Variants in MRC1 observed in about 807,000 individuals in gnomAD.
MRC1 encodes macrophage mannose receptor 1.
Under a neutral mutation model 102.9 loss-of-function variants are expected in MRC1, and 62 were observed. The ratio of observed to expected loss-of-function variants is 0.60; its 90% confidence interval spans 0.49 to 0.74. The LOEUF (loss-of-function observed/expected upper bound fraction) is 0.74, where lower values mean the gene tolerates loss of function less well. MRC1 is among the 30% of genes least tolerant of loss of function. The pLI is 0.00. For synonymous variants in MRC1, 457 were observed against 298.4 expected, an observed-to-expected ratio of 1.53 and a Z score of -5.48; for missense variants, 1,237 against 862.8, an observed-to-expected ratio of 1.43 and a Z score of -5.43.
Position 17,885,341 on chromosome 10 carries a change from A to G in MRC1, c.3053A>G (p.His1018Arg). Residue 1018 changes from histidine to arginine, a missense_variant, in exon 22 of 30, where the codon CAC becomes CGC. Transcript: ENST00000569591. ...GGGCTGAATGATGTCAATTCAGAAC[A>G]CACGTTCCTTTGGACGGATGGACGA... ...WTGLNDVNSE[H>R]TFLWTDGRGV... is the part of the protein sequence containing the mutation. 1.3e-6 allele frequency: 1 copy of G among 780,918 alleles called. No individual in the cohort carries two copies. The allele number at this position is 780,918 out of a possible 1,614,324, so 48.4% of individuals were successfully genotyped here.
chr10:17,864,476 C>A (rs1833232108), intron 11 of MRC1, among the ~76,000 whole-genome samples: 1 of 152,024 alleles, frequency 6.6e-6, no homozygotes, highest in Non-Finnish European at 1.5e-5. Flanking sequence ...TTTTATTTGC[C>A]TTGGATTTTA....
chr10:17,828,365 G>A lies in MRC1; in HGVS notation c.637+650G>A, dbSNP rs1055778942. On this transcript the variant is annotated intron_variant, in intron 3 of 29. Coordinates refer to ENST00000569591, the MANE Select transcript of MRC1 (RefSeq NM_002438.4). ...GTTGGGTTTACAGGCATGAGCCGGCGCGCCCGACTATGACCTCTTTATTTT... is the reference window on the plus strand; with the variant it reads ...GTTGGGTTTACAGGCATGAGCCGGCACGCCCGACTATGACCTCTTTATTTT... 3.2e-4 allele frequency among the ~76,000 whole-genome samples: 49 copies of A among 151,570 alleles called. No individual in the cohort carries two copies. The South Asian group carries it at 5.4e-3, about 17-fold the overall frequency.
intron 12 of MRC1, among the ~76,000 whole-genome samples, chr10:17,867,382 TCTTCTC>T (rs1203939310): frequency 8.9e-5 from 11 of 123,740 alleles, no homozygotes; most frequent in African/African-American, 1.6e-4. Flanking sequence ...TTCTTCTTCT[TCTTCTC>T]CTTCTTCTCC....
chr10:17,859,991 G>A (rs925455729), intron 9 of MRC1, among the ~76,000 whole-genome samples: 2 of 152,120 alleles, frequency 1.3e-5, no homozygotes, highest in African/African-American at 4.8e-5. Flanking sequence ...AGGGGTTACC[G>A]GGGTTACTGG....
intron 16 of MRC1, among the ~76,000 whole-genome samples, chr10:17,874,566 T>C (rs1344587638): frequency 1.3e-5 from 2 of 152,206 alleles, no homozygotes; most frequent in African/African-American, 4.8e-5. Context: ...CTTTGGGAGC[T>C]TTTATTCAGC....
chr10:17,817,215 A>C (rs918467356), intron 1 of MRC1, among the ~76,000 whole-genome samples: 3 of 143,920 alleles, frequency 2.1e-5, no homozygotes, highest in Admixed American at 7.4e-5. Context: ...ACACCACTGC[A>C]CTCCAGCCTG....
rs879194856 is a variant in MRC1 at position 17,891,131 on chromosome 10, TTTTATTTATTTATTTATTTA to T, written c.3148-3047_3148-3028del. 7.6e-4 allele frequency among the ~76,000 whole-genome samples: 102 copies of T among 135,038 alleles called. 1 individual carries two copies. The South Asian group carries it at 0.014, about 19-fold the overall frequency. The allele number at this position is 135,038 out of a possible 152,430, so 88.6% of individuals were successfully genotyped here. On this transcript the variant is annotated intron_variant, in intron 22 of 29. Coordinates refer to ENST00000569591, the MANE Select transcript of MRC1 (RefSeq NM_002438.4). ...GCGTGATGGTGAGTTGTATCACTAG[TTTTATTTATTTATTTATTTA>T]TTTATTTATTTATTTATTTATTTAT...
rs892948097 is a variant in MRC1, at chr10:17,840,927, A to T, written c.916+121A>T. 3.6e-5 allele frequency: 27 copies of T among 753,390 alleles called. No individual in the cohort carries two copies. The African/African-American group carries it at 4.4e-4, about 12-fold the overall frequency. 46.7% of individuals were successfully genotyped at this position (753,390 alleles called of 1,614,324 possible). A position where few individuals can be genotyped will look rare whatever the true frequency, so the allele number is the denominator to read the frequency against. On this transcript the variant is annotated intron_variant, in intron 5 of 29. Transcript: ENST00000569591. ...AGAATTGGGAGACTTCATCAAATAC[A>T]GTTCATTTCACCTTGTTTTGAAATC...
At chr10:17,869,466 G>A (rs2130674130) in intron 12 of MRC1, among the ~76,000 whole-genome samples, 1 of 152,218 alleles carries the variant, frequency 6.6e-6, no homozygotes. Flanking sequence ...TGTGATGTGG[G>A]AATGATGAGG....
rs1410765563 is a variant in MRC1 at position 17,875,182 on chromosome 10, T to G, written c.2479T>G (p.Phe827Val). 1 of 780,724 alleles carries G rather than the reference T, an allele frequency of 1.3e-6. No homozygotes were observed. Among genetic ancestry groups the G allele is most frequent in the Non-Finnish European group, 2.4e-6 (1 of 417,954 alleles). 48.4% of individuals were successfully genotyped at this position (780,724 alleles called of 1,614,324 possible). A position where few individuals can be genotyped will look rare whatever the true frequency, so the allele number is the denominator to read the frequency against. Residue 827 changes from phenylalanine (F) to valine (V), a missense_variant, in exon 17 of 30, where the codon TTT becomes GTT. Phe to Val is a conservative substitution (Grantham distance 50). Transcript: ENST00000569591. ...GGAAACCATGGACAATGCGCGAGCG[T>G]TTTGCAAGAGGAATTTTGGTGATCT... ...EKETMDNARA[F>V]CKRNFGDLVS... is the part of the protein sequence containing the mutation.
At chr10:17,867,852 A>G (rs1281583767) in intron 12 of MRC1, among the ~76,000 whole-genome samples, 2 of 152,238 alleles carry the variant, frequency 1.3e-5, no homozygotes, top group Non-Finnish European at 2.9e-5. Context: ...ATGCCACATA[A>G]GTATTCTAAA....
rs990324245 is a variant in MRC1, at chr10:17,828,165, C to T, written c.637+450C>T. On this transcript the variant is annotated intron_variant, in intron 3 of 29. Transcript: ENST00000569591. ...GATCTCCACTCACTGCAAGCTCCGC[C>T]TCCCGAGTTCACGCCCTTCTCCTGC... 1.1e-3 allele frequency among the ~76,000 whole-genome samples: 167 copies of T among 152,274 alleles called. 1 individual carries two copies. Among genetic ancestry groups the T allele is most frequent in the African/African-American group, 3.9e-3 (160 of 41,546 alleles).
At chr10:17,886,585 A>G (rs1347846742) in intron 22 of MRC1, among the ~76,000 whole-genome samples, 1 of 152,182 alleles carries the variant, frequency 6.6e-6, no homozygotes, top group Non-Finnish European at 1.5e-5. Context: ...CATTTTTAGT[A>G]GAGATGGGCT....
chr10:17,816,589 G>C (rs1589162574), intron 1 of MRC1, among the ~76,000 whole-genome samples: 1 of 152,158 alleles, frequency 6.6e-6, no homozygotes, highest in Non-Finnish European at 1.5e-5. Context: ...AGCCTAGAGG[G>C]CTCTGATAGC....
rs970686034 is a variant in MRC1, at chr10:17,872,050, G to A, written c.2268G>A (p.Leu756=). ...AAAATGTTGAATACTGTGGTGAGCT[G>A]AAAGGTGACCCTACTATGTCTTGGA... is the stretch of plus-strand genomic sequence containing the variant. ...NYQNVEYCGE[L]KGDPTMSWND... is the part of the protein sequence containing the mutation. Residue 756 remains leucine, a synonymous_variant, in exon 15 of 30, where the codon CTG becomes CTA. Coordinates refer to ENST00000569591, the MANE Select transcript of MRC1 (RefSeq NM_002438.4). 3.2e-5 allele frequency: 25 copies of A among 780,602 alleles called. No individual in the cohort carries two copies. The highest frequency in any genetic ancestry group is 6.0e-5 in the Non-Finnish European group (25 of 417,878). 48.4% of individuals were successfully genotyped at this position (780,602 alleles called of 1,614,324 possible). A position where few individuals can be genotyped will look rare whatever the true frequency, so the allele number is the denominator to read the frequency against.
intron 18 of MRC1, 71 bp from the exon 19 acceptor site, chr10:17,879,650 A>C: frequency 1.3e-6 from 1 of 780,692 alleles, no homozygotes; most frequent in South Asian, 1.3e-5. Flanking sequence ...GGCGTGAGCC[A>C]CTGCTCCTGG....
chr10:17,851,037 A>G (rs1284796072), intron 7 of MRC1, among the ~76,000 whole-genome samples: 2 of 152,228 alleles, frequency 1.3e-5, no homozygotes, highest in Non-Finnish European at 2.9e-5. Flanking sequence ...TGTCTGAATA[A>G]CAATTACTTA....
chr10:17,907,421 TATTG>T (rs1833910401), intron 27 of MRC1, 109 bp from the exon 28 acceptor site: 1 of 742,858 alleles, frequency 1.3e-6, no homozygotes, highest in Non-Finnish European at 2.5e-6. Flanking sequence ...TATAAATGAC[TATTG>T]ATTCTAGTAT....
intron 11 of MRC1, among the ~76,000 whole-genome samples, chr10:17,864,802 C>G (rs1833238485): frequency 7.0e-6 from 1 of 142,912 alleles, no homozygotes; most frequent in African/African-American, 2.7e-5. Context: ...GCACTCCAGC[C>G]TGGGTGACAA....
Sources: gnomAD v4.1 joint callset for allele counts (sites outside exome capture counted in the v4.1 genomes callset) on GRCh38, gnomAD v4.1.1 for gene constraint, MANE v1.5 for transcripts, NCBI Gene and HGNC (gene_info 2026-07-23, HGNC 2026-07-21) for gene names.